GREB1L: variants seen among roughly 807,000 people sequenced by gnomAD.
The protein encoded by GREB1L is GREB1-like protein.
GREB1L carries 17 observed loss-of-function variants against 200.8 expected under a neutral mutation model. The observed-to-expected ratio is 0.08, with a 90% CI of 0.06 to 0.13. GREB1L has a LOEUF of 0.13. Ranked by LOEUF, GREB1L falls within the 10% of genes least tolerant of loss-of-function variation. The pLI is 1.00. For synonymous variants in GREB1L, 789 were observed against 893.0 expected (o/e 0.88, Z 2.08); for missense variants, 1,657 against 2,367.7 (o/e 0.70, Z 6.23).
chr18:21,270,474 C>G (rs2038060775), intron 1 of GREB1L, among the ~76,000 whole-genome samples: 1 of 152,156 alleles, frequency 6.6e-6, no homozygotes, highest in African/African-American at 2.4e-5. Flanking sequence ...GCTTTTATCT[C>G]TTTCTCATCA....
chr18:21,462,931 A>G (rs2035105832), intron 15 of GREB1L, among the ~76,000 whole-genome samples: 1 of 152,180 alleles, frequency 6.6e-6, no homozygotes, highest in Admixed American at 6.5e-5. Flanking sequence ...CATTAACCAC[A>G]CAGCAAAAAG....
intron 7 of GREB1L, among the ~76,000 whole-genome samples, chr18:21,421,506 C>T (rs897285755): frequency 8.5e-5 from 13 of 152,104 alleles, no homozygotes; most frequent in African/African-American, 2.7e-4. Context: ...AAAAGAGGTC[C>T]GTTGTAGTTA....
intron 15 of GREB1L, among the ~76,000 whole-genome samples, chr18:21,458,159 C>T (rs1200312751): frequency 6.6e-6 from 1 of 151,978 alleles, no homozygotes; most frequent in East Asian, 1.9e-4. Flanking sequence ...TTAGTAGAGA[C>T]AGGGTTTCTC....
intron 15 of GREB1L, among the ~76,000 whole-genome samples, chr18:21,465,867 T>C (rs1431222879): frequency 6.6e-6 from 1 of 152,164 alleles, no homozygotes; most frequent in African/African-American, 2.4e-5. Context: ...CATGGAAGAC[T>C]GTTCCTCCCT....
intron 1 of GREB1L, among the ~76,000 whole-genome samples, chr18:21,303,017 G>A (rs1476283394): frequency 2.0e-5 from 3 of 152,026 alleles, no homozygotes; most frequent in Admixed American, 1.3e-4. Flanking sequence ...CACTGTGCCC[G>A]GCCTAATTTT....
chr18:21,263,255 G>C (rs753448933), intron 1 of GREB1L, among the ~76,000 whole-genome samples: 1 of 152,194 alleles, frequency 6.6e-6, no homozygotes, highest in Non-Finnish European at 1.5e-5. Context: ...GAATCAGCAC[G>C]TTTGGTTTGG....
chr18:21,423,802 G>A (rs2032352085), intron 7 of GREB1L, among the ~76,000 whole-genome samples: 3 of 152,150 alleles, frequency 2.0e-5, no homozygotes, highest in Non-Finnish European at 4.4e-5. Context: ...AGGCTGCAGT[G>A]AGCCATGATC....
At chr18:21,333,867 A>G (rs973479408) in intron 1 of GREB1L, among the ~76,000 whole-genome samples, 2 of 152,014 alleles carry the variant, frequency 1.3e-5, no homozygotes, top group Non-Finnish European at 2.9e-5. Flanking sequence ...CTGTAGTCCC[A>G]GCTACTTGGG....
At chr18:21,494,742 A>G (rs2036479214) in intron 19 of GREB1L, among the ~76,000 whole-genome samples, 1 of 152,236 alleles carries the variant, frequency 6.6e-6, no homozygotes, top group South Asian at 2.1e-4. Flanking sequence ...TAAAAAGTAT[A>G]GGTACATGCT....
chr18:21,469,271 T>C lies in GREB1L; in HGVS notation c.2183-3760T>C, dbSNP rs371632231. ...AGGAAAAGCTGTTCCTCCTCATTTATGTATGTATTTATAAATACAGGTCAT... is the reference window on the plus strand; with the variant it reads ...AGGAAAAGCTGTTCCTCCTCATTTACGTATGTATTTATAAATACAGGTCAT... On this transcript the variant is annotated intron_variant, in intron 15 of 32. Coordinates refer to ENST00000424526, the MANE Select transcript of GREB1L (RefSeq NM_001142966.3). Among the ~76,000 whole-genome samples, 15 of 152,342 alleles carry C rather than the reference T, an allele frequency of 9.8e-5. No homozygotes were observed. In the East Asian group the frequency reaches 2.9e-3, roughly 29 times the overall value.
chr18:21,512,311 T>C (rs1056944401), intron 27 of GREB1L, among the ~76,000 whole-genome samples: 1 of 152,250 alleles, frequency 6.6e-6, no homozygotes, highest in African/African-American at 2.4e-5. Context: ...TTCCAATCCA[T>C]AAACACAGGA....
intron 11 of GREB1L, among the ~76,000 whole-genome samples, chr18:21,447,116 A>C (rs1163508031): frequency 6.6e-6 from 1 of 152,084 alleles, no homozygotes; most frequent in East Asian, 1.9e-4. Context: ...CTGCAATGTA[A>C]TTGTAAAGGC....
At chr18:21,515,833 CAG>C (rs1356769334) in intron 29 of GREB1L, among the ~76,000 whole-genome samples, 189 bp downstream of exon 29, 1 of 152,184 alleles carries the variant, frequency 6.6e-6, no homozygotes, top group Non-Finnish European at 1.5e-5. Context: ...TAGACCTTAA[CAG>C]GGGTTACAAT....
At chr18:21,413,540 C>G (rs568805575) in intron 7 of GREB1L, among the ~76,000 whole-genome samples, 46 of 152,296 alleles carry the variant, frequency 3.0e-4, no homozygotes, top group Admixed American at 5.2e-4. Flanking sequence ...TTGCCCACTT[C>G]TAGCCAGATA....
Position 21,488,638 on chromosome 18 carries a change from C to T in GREB1L, c.2691-1374C>T, listed in dbSNP as rs552367503. Among the ~76,000 whole-genome samples the T allele has an allele frequency of 2.0e-5, 3 of 152,198 alleles. No individual in the cohort carries two copies. In the South Asian group the frequency reaches 6.2e-4, roughly 32 times the overall value. ...TTGGACCCAGAGCCCACTTTGCCAG[C>T]ACCTACTTTCTTTCTTTTTCTCTTT... On this transcript the variant is annotated intron_variant, in intron 18 of 32. Coordinates refer to ENST00000424526, the MANE Select transcript of GREB1L (RefSeq NM_001142966.3).
intron 1 of GREB1L, among the ~76,000 whole-genome samples, chr18:21,357,725 G>A (rs144832975): frequency 6.6e-6 from 1 of 152,190 alleles, no homozygotes. Flanking sequence ...TGAAGAGACT[G>A]TTCTTCCCCA....
chr18:21,369,265 C>T (rs1415592065), intron 2 of GREB1L, among the ~76,000 whole-genome samples: 2 of 152,166 alleles, frequency 1.3e-5, no homozygotes, highest in South Asian at 2.1e-4. Context: ...TGGTGAGCCA[C>T]ACTTTGGAAG....
chr18:21,284,682 G>A (rs1403111674), intron 1 of GREB1L, among the ~76,000 whole-genome samples: 4 of 152,096 alleles, frequency 2.6e-5, no homozygotes, highest in African/African-American at 9.7e-5. Context: ...ATTTCTCTTG[G>A]ACACGTACCT....
rs562246249 is a variant in GREB1L at position 21,356,969 on chromosome 18, T to C, written c.-119-9058T>C. On this transcript the variant is annotated intron_variant, in intron 1 of 32. Transcript: ENST00000424526. ...ATATACTGTTGGCGATTTGTATGTC[T>C]TTTTTTGAGAAATGTCTATTCAAGT... is the stretch of plus-strand genomic sequence containing the variant. Among the ~76,000 whole-genome samples, 4 of 152,302 alleles carry C rather than the reference T, an allele frequency of 2.6e-5. No individual in the cohort carries two copies. In the South Asian group the frequency reaches 8.3e-4, roughly 32 times the overall value.
Sources: gnomAD v4.1 joint callset for allele counts (sites outside exome capture counted in the v4.1 genomes callset) on GRCh38, gnomAD v4.1.1 for gene constraint, MANE v1.5 for transcripts, NCBI Gene and HGNC (gene_info 2026-07-23, HGNC 2026-07-21) for gene names.